The following NRG1 variants were observed in gnomAD, a reference collection of about 807,000 sequenced individuals.
The protein encoded by NRG1 is neuregulin 1, also known as pro-neuregulin-1, membrane-bound isoform.
Under a neutral mutation model 63.8 loss-of-function variants are expected in NRG1, and 18 were observed. That is an observed-to-expected ratio of 0.28 (90% CI 0.19 to 0.42). The LOEUF is 0.42. NRG1 is among the 10% of genes least tolerant of loss of function. The pLI, the probability that NRG1 is intolerant of heterozygous loss-of-function variation, is 1.00. For synonymous variants in NRG1, 302 were observed against 301.3 expected (o/e 1.00, Z -0.02); for missense variants, 762 against 814.7 (o/e 0.94, Z 0.79).
At chr8:31,809,335 C>CAT (rs150912287) in intron 1 of NRG1, among the ~76,000 whole-genome samples, 33,773 of 138,446 alleles carry the variant, frequency 0.24, 5,133 homozygotes, top group East Asian at 0.68. Context: ...TCTCTCTCTC[C>CAT]ATATATATAT....
At chr8:31,898,344 G>T (rs1239128064) in intron 1 of NRG1, among the ~76,000 whole-genome samples, 1 of 152,110 alleles carries the variant, frequency 6.6e-6, no homozygotes, top group African/African-American at 2.4e-5. Flanking sequence ...CAGGAACTGT[G>T]CTTCATATAT....
intron 1 of NRG1, among the ~76,000 whole-genome samples, chr8:31,910,777 G>T (rs747078476): frequency 2.0e-5 from 3 of 152,130 alleles, no homozygotes; most frequent in Non-Finnish European, 2.9e-5. Context: ...ATAAGATATG[G>T]AATAAAAAGA....
At chr8:31,689,358 C>G (rs1355386862) in intron 1 of NRG1, among the ~76,000 whole-genome samples, 1 of 151,962 alleles carries the variant, frequency 6.6e-6, no homozygotes, top group Non-Finnish European at 1.5e-5. Context: ...CAGATAATAC[C>G]AGGTAAATGA....
intron 11 of NRG1, among the ~76,000 whole-genome samples, chr8:32,762,005 C>T (rs1488778543): frequency 7.2e-6 from 1 of 139,310 alleles, no homozygotes. Flanking sequence ...TGCCACTGTA[C>T]TCCAGCCTAG....
At chr8:32,175,559 A>G (rs1174120218) in intron 1 of NRG1, among the ~76,000 whole-genome samples, 1 of 152,202 alleles carries the variant, frequency 6.6e-6, no homozygotes, top group South Asian at 2.1e-4. Flanking sequence ...TTTGCAGATG[A>G]CATGATTGTA....
intron 1 of NRG1, among the ~76,000 whole-genome samples, chr8:32,405,564 T>TC (rs1386033971): frequency 6.6e-6 from 1 of 152,046 alleles, no homozygotes; most frequent in Non-Finnish European, 1.5e-5. Flanking sequence ...TTTCTCTCTC[T>TC]TTTTTTTCTC....
chr8:32,158,008 G>A (rs530320829), intron 1 of NRG1, among the ~76,000 whole-genome samples: 1 of 152,130 alleles, frequency 6.6e-6, no homozygotes, highest in Non-Finnish European at 1.5e-5. Context: ...CATGAACCAC[G>A]TCAACAGGAC....
At chr8:31,908,730 G>A (rs1386238970) in intron 1 of NRG1, among the ~76,000 whole-genome samples, 3 of 151,822 alleles carry the variant, frequency 2.0e-5, no homozygotes, top group Non-Finnish European at 4.4e-5. Context: ...TAATATCTGT[G>A]TATTACTTTT....
intron 1 of NRG1, among the ~76,000 whole-genome samples, chr8:32,106,743 C>T (rs776164036): frequency 2.2e-4 from 34 of 152,058 alleles, no homozygotes; most frequent in Non-Finnish European, 7.4e-5. Context: ...ACATAATTTA[C>T]TCCCTTTTTA....
intron 1 of NRG1, among the ~76,000 whole-genome samples, chr8:32,306,314 G>A (rs1856178921): frequency 6.6e-6 from 1 of 152,174 alleles, no homozygotes; most frequent in Non-Finnish European, 1.5e-5. Flanking sequence ...TCAACCCTGG[G>A]TAAATCTCCT....
At chr8:32,557,228 C>T (rs569085172) in intron 1 of NRG1, among the ~76,000 whole-genome samples, 20 of 152,152 alleles carry the variant, frequency 1.3e-4, no homozygotes, top group South Asian at 4.2e-4. Flanking sequence ...AGGATGGTCT[C>T]GATCTCCTGA....
chr8:32,462,336 A>T (rs1822418599), intron 1 of NRG1, among the ~76,000 whole-genome samples: 1 of 152,170 alleles, frequency 6.6e-6, no homozygotes, highest in South Asian at 2.1e-4. Flanking sequence ...ATTAGATAAA[A>T]GTGATTTCAG....
At chr8:32,420,456 G>A (rs560431760) in intron 1 of NRG1, among the ~76,000 whole-genome samples, 3 of 152,076 alleles carry the variant, frequency 2.0e-5, no homozygotes, top group Admixed American at 1.3e-4. Context: ...GCTCAACATC[G>A]AAGGTTCTTT....
intron 11 of NRG1, among the ~76,000 whole-genome samples, chr8:32,762,776 T>G (rs1312201161): frequency 6.6e-6 from 1 of 152,182 alleles, no homozygotes; most frequent in African/African-American, 2.4e-5. Context: ...GAAATGTGAC[T>G]CTGAATAAGC....
At chr8:32,422,220 C>T (rs1277672804) in intron 1 of NRG1, among the ~76,000 whole-genome samples, 1 of 151,816 alleles carries the variant, frequency 6.6e-6, no homozygotes, top group East Asian at 1.9e-4. Context: ...TTTCTTTCAC[C>T]CTGAAGCAGC....
At chr8:31,817,802 A>G (rs1280822457) in intron 1 of NRG1, among the ~76,000 whole-genome samples, 2 of 152,248 alleles carry the variant, frequency 1.3e-5, no homozygotes, top group Non-Finnish European at 2.9e-5. Flanking sequence ...GTGTAAGCTC[A>G]TGTACTTGAA....
At position 32,482,282 on chromosome 8, in the gene NRG1, T is replaced by A. The variant is rs372479618; in HGVS notation, c.38-113546T>A. ...ACTGAAACTATCAAAATGAGGCATA[T>A]AACAGGAAATTGGGAGGAGAGTTAT... On this transcript the variant is annotated intron_variant, in intron 1 of 10. Transcript: ENST00000519301. Among the ~76,000 whole-genome samples, 17 of 152,236 alleles carry A rather than the reference T, an allele frequency of 1.1e-4. No individual in the cohort carries two copies. The East Asian group carries it at 1.3e-3, about 12-fold the overall frequency.
chr8:32,678,724 C>T (rs531448827), intron 5 of NRG1, among the ~76,000 whole-genome samples: 5 of 152,224 alleles, frequency 3.3e-5, no homozygotes, highest in East Asian at 3.9e-4. Flanking sequence ...ACCACTTCAC[C>T]GGTAAGGACA....
chr8:32,662,349 T>C (rs1431889916), intron 5 of NRG1, among the ~76,000 whole-genome samples: 9 of 152,184 alleles, frequency 5.9e-5, no homozygotes, highest in Admixed American at 1.3e-4. Flanking sequence ...CTTAAGCCAA[T>C]GGCTTAAGTG....
Sources: allele counts gnomAD v4.1 joint callset (sites outside exome capture counted in the v4.1 genomes callset), GRCh38; gene constraint gnomAD v4.1.1; transcripts MANE v1.5; gene names NCBI Gene and HGNC (gene_info 2026-07-23, HGNC 2026-07-21).